The following EPB41L4B variants were observed in gnomAD, a reference collection of about 807,000 sequenced individuals.
EPB41L4B encodes erythrocyte membrane protein band 4.1 like 4B.
EPB41L4B carries 30 observed loss-of-function variants against 112.5 expected under a neutral mutation model. That is an observed-to-expected ratio of 0.27 (90% confidence interval 0.20 to 0.36). The LOEUF is 0.36. Ranked by LOEUF, EPB41L4B falls within the 10% of genes least tolerant of loss-of-function variation. EPB41L4B has a pLI of 1.00. For missense variants in EPB41L4B, 1,024 were observed against 1,133.3 expected (o/e 0.90, Z 1.38); for synonymous variants, 408 against 439.7 (o/e 0.93, Z 0.90).
intron 16 of EPB41L4B, among the ~76,000 whole-genome samples, chr9:109,215,365 C>T (rs147210505): frequency 4.3e-4 from 65 of 152,182 alleles, no homozygotes; most frequent in Non-Finnish European, 8.2e-4. Flanking sequence ...CTGCAACCTC[C>T]ACCTCCCAGG....
chr9:109,241,738 A>C (rs370443706), intron 15 of EPB41L4B: 1 of 1,614,212 alleles, frequency 6.2e-7, no homozygotes, highest in East Asian at 2.2e-5. Flanking sequence ...CTGGTCGTGG[A>C]CATAATCAAA....
chr9:109,264,883 G>T, intron 5 of EPB41L4B, 97 bp downstream of exon 5: 1 of 1,168,486 alleles, frequency 8.6e-7, no homozygotes. Context: ...TTTGAATTTT[G>T]AAAAGGGAAC....
Position 109,243,656 on chromosome 9 carries a change from G to A in EPB41L4B, c.1371C>T (p.Pro457=), listed in dbSNP as rs953532174. The A allele has an allele frequency of 3.7e-6, 6 of 1,614,064 alleles. No homozygotes were observed. In the African/African-American group the frequency reaches 6.7e-5, roughly 18 times the overall value. ...AGTGAGGATGCCACCGGGGCTGGCT[G>A]GGATGGATATTAGGATGATATTGAG... ...YQPQYHPNIH[P]SQPRWHPHSP... is the part of the protein sequence containing the mutation. Residue 457 remains proline (P), a synonymous_variant, in exon 15 of 26, where the codon CCC becomes CCT. Transcript: ENST00000374566.
In EPB41L4B at chr9:109,311,910, G is replaced by A. The variant is rs894284401; in HGVS notation, c.306+8231C>T. Among the ~76,000 whole-genome samples the A allele has an allele frequency of 5.9e-5, 9 of 152,150 alleles. No homozygotes were observed. In the South Asian group the frequency reaches 6.2e-4, roughly 11 times the overall value. On this transcript the variant is annotated intron_variant, in intron 1 of 25. Transcript: ENST00000374566. ...GATGATAACGTGCACCTTCCCAGGC[G>A]GCAGTGATTAAGGGAAGCAACACAG... is the stretch of plus-strand genomic sequence containing the variant.
chr9:109,191,277 G>A (rs1220979286), intron 22 of EPB41L4B, among the ~76,000 whole-genome samples: 2 of 152,186 alleles, frequency 1.3e-5, no homozygotes, highest in Non-Finnish European at 2.9e-5. Context: ...CTGCATACAT[G>A]CACTCATGCC....
chr9:109,295,837 GT>G (rs3838723), intron 1 of EPB41L4B, among the ~76,000 whole-genome samples: 2 of 149,804 alleles, frequency 1.3e-5, no homozygotes, highest in African/African-American at 4.9e-5. Flanking sequence ...CTTTTTTTCT[GT>G]TTTTTTTTCT....
rs891736462 is a variant in EPB41L4B, at chr9:109,197,798, C to T, written c.2045+2438G>A. ...TTGTGCCACTGCACTCCAGCCTGGG[C>T]GACAGAGTGAGACTCTGTATCAAAA... On this transcript the variant is annotated intron_variant, in intron 20 of 25. Coordinates refer to ENST00000374566, the MANE Select transcript of EPB41L4B (RefSeq NM_019114.5). 1.1e-4 allele frequency among the ~76,000 whole-genome samples: 15 copies of T among 134,048 alleles called. No homozygotes were observed. The East Asian group carries it at 1.3e-3, about 12-fold the overall frequency. 87.9% of individuals were successfully genotyped at this position (134,048 alleles called of 152,430 possible). A position where few individuals can be genotyped will look rare whatever the true frequency, so the allele number is the denominator to read the frequency against.
chr9:109,200,684 A>G (rs1832793913), intron 19 of EPB41L4B, among the ~76,000 whole-genome samples: 1 of 152,232 alleles, frequency 6.6e-6, no homozygotes, highest in Non-Finnish European at 1.5e-5. Flanking sequence ...AGGTTTTGCC[A>G]GTAAAATGAA....
At chr9:109,290,675 T>C (rs7035246) in intron 1 of EPB41L4B, among the ~76,000 whole-genome samples, 82,926 of 150,560 alleles carry the variant, frequency 0.55, 23,067 homozygotes, top group East Asian at 0.68. Context: ...CCTCAATAAC[T>C]TGCCACTTTC....
intron 6 of EPB41L4B, 136 bp from the exon 7 acceptor site, chr9:109,258,433 A>G (rs893917): frequency 0.87 from 749,430 of 857,144 alleles, 329,220 homozygotes; most frequent in Middle Eastern, 0.96. Flanking sequence ...TCCTTTCGGG[A>G]AGACTTAACT....
chr9:109,183,534 T>C (rs932257788), intron 23 of EPB41L4B, among the ~76,000 whole-genome samples: 1 of 152,208 alleles, frequency 6.6e-6, no homozygotes, highest in African/African-American at 2.4e-5. Context: ...TCCATGTCTT[T>C]CTCTTTGGTC....
At chr9:109,261,402 T>C (rs1297391802) in intron 6 of EPB41L4B, among the ~76,000 whole-genome samples, 2 of 152,008 alleles carry the variant, frequency 1.3e-5, no homozygotes, top group African/African-American at 4.8e-5. Flanking sequence ...CATTAGATAA[T>C]AAGAATTAAG....
intron 7 of EPB41L4B, 39 bp from the exon 8 acceptor site, chr9:109,256,519 C>T (rs942699366): frequency 6.3e-5 from 99 of 1,574,610 alleles, no homozygotes; most frequent in Non-Finnish European, 8.2e-5. Context: ...AACTGCGACT[C>T]GTAAGCCCAC....
At chr9:109,189,515 A>T (rs10979737) in intron 22 of EPB41L4B, among the ~76,000 whole-genome samples, 2,470 of 152,344 alleles carry the variant, frequency 0.016, 30 homozygotes, top group Non-Finnish European at 0.026. Context: ...GAAACTTTTT[A>T]TTAATCTGGG....
At chr9:109,215,810 ACT>A (rs1833342583) in intron 16 of EPB41L4B, among the ~76,000 whole-genome samples, 1 of 152,132 alleles carries the variant, frequency 6.6e-6, no homozygotes, top group South Asian at 2.1e-4. Flanking sequence ...AAAGATATAA[ACT>A]CATTCTATCA....
At position 109,208,053 on chromosome 9, in the gene EPB41L4B, A is replaced by C; in HGVS notation, c.1753-4T>G. On this transcript the variant is annotated splice_polypyrimidine_tract_variant and splice_region_variant and intron_variant, in intron 17 of 25. Transcript: ENST00000374566. ...CCGAGACTTTCTTTTCTTCAGCCTG[A>C]GACAAACCAAAATACAAACAGCAGA... The C allele has an allele frequency of 4.3e-6, 7 of 1,613,598 alleles. No homozygotes were observed. The highest frequency in any genetic ancestry group is 5.9e-6 in the Non-Finnish European group (7 of 1,179,896).
intron 1 of EPB41L4B, among the ~76,000 whole-genome samples, chr9:109,294,369 C>T (rs1435994749): frequency 6.6e-6 from 1 of 151,338 alleles, no homozygotes; most frequent in Admixed American, 6.6e-5. Flanking sequence ...ATAATCCCAG[C>T]ACTTTGGGAG....
chr9:109,316,056 G>C (rs28714113), intron 1 of EPB41L4B, among the ~76,000 whole-genome samples: 2,534 of 152,160 alleles, frequency 0.017, 59 homozygotes, highest in African/African-American at 0.058. Context: ...TGCACCATGA[G>C]GCCTTCCCGT....
chr9:109,308,938 T>A (rs184276333), intron 1 of EPB41L4B, among the ~76,000 whole-genome samples: 61 of 151,852 alleles, frequency 4.0e-4, no homozygotes, highest in Non-Finnish European at 8.1e-4. Context: ...AATTAGCGCG[T>A]GGTGGCGCAT....
Sources: gnomAD v4.1 joint callset for allele counts (sites outside exome capture counted in the v4.1 genomes callset) on GRCh38, gnomAD v4.1.1 for gene constraint, MANE v1.5 for transcripts, NCBI Gene and HGNC (gene_info 2026-07-23, HGNC 2026-07-21) for gene names.